UTRN: variants seen among roughly 807,000 people sequenced by gnomAD.
UTRN encodes the protein utrophin.
UTRN carries 283 observed loss-of-function variants against 463.9 expected under a neutral mutation model. The ratio of observed to expected loss-of-function variants is 0.61; its 90% CI spans 0.55 to 0.67. UTRN has a LOEUF of 0.67. Ranked by LOEUF, UTRN falls within the 30% of genes least tolerant of loss-of-function variation. UTRN has a pLI of 0.00. For synonymous variants in UTRN, 1,442 were observed against 1,431.5 expected, an observed-to-expected ratio of 1.01 and a Z score of -0.17; for missense variants, 3,922 against 4,084.3, an observed-to-expected ratio of 0.96 and a Z score of 1.08.
chr6:144,579,187 A>T (rs1801724886), intron 51 of UTRN, among the ~76,000 whole-genome samples: 1 of 152,196 alleles, frequency 6.6e-6, no homozygotes, highest in Non-Finnish European at 1.5e-5. Context: ...TCAAAATTAA[A>T]TCTGTTCCTT....
chr6:144,821,439 T>C (rs925418606), intron 66 of UTRN, among the ~76,000 whole-genome samples: 1 of 152,064 alleles, frequency 6.6e-6, no homozygotes, highest in Admixed American at 6.5e-5. Flanking sequence ...AATATAAATT[T>C]ATTAATAATA....
At chr6:144,725,983 T>C (rs1787834797) in intron 53 of UTRN, among the ~76,000 whole-genome samples, 1 of 152,060 alleles carries the variant, frequency 6.6e-6, no homozygotes, top group Admixed American at 6.5e-5. Context: ...TCAAAGGAGT[T>C]CGCGAGACAT....
intron 2 of UTRN, among the ~76,000 whole-genome samples, chr6:144,401,711 G>A (rs1370367989): frequency 6.6e-6 from 1 of 151,932 alleles, no homozygotes; most frequent in African/African-American, 2.4e-5. Flanking sequence ...TTTATTCTGG[G>A]AATGACCTTT....
At chr6:144,415,493 T>G (rs1784286321) in intron 3 of UTRN, among the ~76,000 whole-genome samples, 1 of 152,246 alleles carries the variant, frequency 6.6e-6, no homozygotes. Flanking sequence ...TCTTACTTTC[T>G]TATTCAATTT....
At chr6:144,678,098 G>A (rs1781831102) in intron 51 of UTRN, among the ~76,000 whole-genome samples, 1 of 152,008 alleles carries the variant, frequency 6.6e-6, no homozygotes, top group African/African-American at 2.4e-5. Flanking sequence ...GTAATTGATA[G>A]ATTCAGTGCT....
chr6:144,635,633 G>A (rs1450553169), intron 51 of UTRN, among the ~76,000 whole-genome samples: 1 of 140,858 alleles, frequency 7.1e-6, no homozygotes, highest in Non-Finnish European at 1.5e-5. Context: ...TCTGCCTCTC[G>A]GGTTCATGAG....
chr6:144,662,911 A>T (rs1317488474), intron 51 of UTRN, among the ~76,000 whole-genome samples: 1 of 152,198 alleles, frequency 6.6e-6, no homozygotes. Context: ...TTTACTGGAT[A>T]TAAGAATGTT....
chr6:144,370,269 C>G (rs985530707), intron 2 of UTRN, among the ~76,000 whole-genome samples: 2 of 152,204 alleles, frequency 1.3e-5, no homozygotes, highest in African/African-American at 4.8e-5. Context: ...GGGCCAGGCC[C>G]AGGGCCCTGC....
chr6:144,359,734 T>C (rs1391297731), intron 2 of UTRN, among the ~76,000 whole-genome samples: 1 of 151,742 alleles, frequency 6.6e-6, no homozygotes, highest in African/African-American at 2.4e-5. Context: ...TTTTTTTTTT[T>C]CTTTTTTAGT....
chr6:144,632,940 T>G (rs149361340), intron 51 of UTRN, among the ~76,000 whole-genome samples: 10 of 151,882 alleles, frequency 6.6e-5, no homozygotes, highest in Admixed American at 5.9e-4. Flanking sequence ...AGGCTGGTCT[T>G]GAACTCTCAA....
chr6:144,449,579 A>G (rs1379406292), intron 17 of UTRN, among the ~76,000 whole-genome samples: 1 of 152,204 alleles, frequency 6.6e-6, no homozygotes, highest in Non-Finnish European at 1.5e-5. Flanking sequence ...TGCTGTTAAG[A>G]TGACAGGAGG....
intron 23 of UTRN, among the ~76,000 whole-genome samples, chr6:144,471,646 C>T (rs746024166): frequency 1.3e-5 from 2 of 152,146 alleles, no homozygotes; most frequent in Non-Finnish European, 2.9e-5. Flanking sequence ...CCTTGAAATG[C>T]TGGAGCAAAC....
At chr6:144,747,344 T>C (rs1375875241) in intron 54 of UTRN, among the ~76,000 whole-genome samples, 3 of 152,182 alleles carry the variant, frequency 2.0e-5, no homozygotes, top group African/African-American at 4.8e-5. Flanking sequence ...GTGTAGAAGA[T>C]AGTGAGGCCC....
At chr6:144,798,721 A>T (rs1777448760) in intron 64 of UTRN, among the ~76,000 whole-genome samples, 1 of 152,216 alleles carries the variant, frequency 6.6e-6, no homozygotes. Context: ...CAGTAGGGAA[A>T]TTCAAGATTT....
rs763363857 is a variant in UTRN, at chr6:144,479,879, C to A, written c.3404C>A (p.Ala1135Glu). The A allele has an allele frequency of 6.2e-7, 1 of 1,614,070 alleles. No individual in the cohort carries two copies. Among genetic ancestry groups the A allele is most frequent in the Non-Finnish European group, 8.5e-7 (1 of 1,179,986 alleles). Residue 1135 changes from alanine to glutamate, a missense_variant, in exon 26 of 75, where the codon GCA (alanine) becomes GAA (glutamate). By Grantham distance (107) the Ala-to-Glu change is moderately radical. Transcript: ENST00000367545. The stretch of plus-strand genomic sequence containing the variant: ...GCTGCGAACCTGAAGAAAGACTTGG[C>A]AGAGATGCAGGAATGGATGACCCAG... ...EKAANLKKDLAEMQEWMTQAE... is the reference protein window; with the variant it reads ...EKAANLKKDLEEMQEWMTQAE...
rs1554421328 is a variant in UTRN, at chr6:144,850,970, C to CTATT, written c.10294-17_10294-14dup. The CTATT allele has an allele frequency of 4.3e-6, 7 of 1,613,542 alleles. No homozygotes were observed. The South Asian group carries it at 6.6e-5, about 15-fold the overall frequency. ...TGTTTTGTGCAAATTTCTGACAGTG[C>CTATT]TATTTTCCCTTCCCATAGGCAATGT... On this transcript the variant is annotated intron_variant, in intron 74 of 74. Coordinates refer to ENST00000367545, the MANE Select transcript of UTRN (RefSeq NM_007124.3).
At chr6:144,390,523 C>T (rs1781814068) in intron 2 of UTRN, among the ~76,000 whole-genome samples, 1 of 152,202 alleles carries the variant, frequency 6.6e-6, no homozygotes, top group South Asian at 2.1e-4. Context: ...AAGTCCTCTG[C>T]AATTTAACTG....
intron 2 of UTRN, among the ~76,000 whole-genome samples, chr6:144,394,787 A>G (rs1032971858): frequency 6.6e-6 from 1 of 152,094 alleles, no homozygotes; most frequent in East Asian, 1.9e-4. Context: ...CTGTGAATTT[A>G]TGAGGAAGAT....
intron 18 of UTRN, 68 bp downstream of exon 18, chr6:144,451,561 A>T: frequency 1.3e-6 from 2 of 1,507,200 alleles, no homozygotes; most frequent in East Asian, 2.3e-5. Context: ...TTCTGCTGGC[A>T]TAAAGACATT....
Sources: allele counts gnomAD v4.1 joint callset (sites outside exome capture counted in the v4.1 genomes callset), GRCh38; gene constraint gnomAD v4.1.1; transcripts MANE v1.5; gene names NCBI Gene and HGNC (gene_info 2026-07-23, HGNC 2026-07-21).